COLEC11: variants seen among roughly 807,000 people sequenced by gnomAD.
COLEC11 encodes collectin-11.
In COLEC11, 20 loss-of-function variants were observed where a neutral mutation model predicts 27.3. The observed-to-expected ratio is 0.73, with a 90% CI of 0.51 to 1.06. The LOEUF is 1.06. Ranked by LOEUF, COLEC11 falls within the 50% of genes least tolerant of loss-of-function variation. COLEC11 has a pLI of 0.00. For missense variants in COLEC11, 310 were observed against 383.0 expected (o/e 0.81, Z 1.59); for synonymous variants, 163 against 154.7 (o/e 1.05, Z -0.40).
Position 3,644,214 on chromosome 2 carries a change from C to G in COLEC11, c.*96C>G, listed in dbSNP as rs748116580. ...CATGGTGCCAGCCAGGGAGCTGTCC[C>G]TCTGTGAAGGGTGGAGGCTCACTGA... On this transcript the variant is annotated 3_prime_UTR_variant, in exon 7 of 7. Transcript: ENST00000349077. 1 of 1,502,356 alleles carries G rather than the reference C, an allele frequency of 6.7e-7. No homozygotes were observed. Among genetic ancestry groups the G allele is most frequent in the Non-Finnish European group, 9.1e-7 (1 of 1,095,322 alleles). The allele number at this position is 1,502,356 out of a possible 1,614,324, so 93.1% of individuals were successfully genotyped here. A position where few individuals can be genotyped will look rare whatever the true frequency, so the allele number is the denominator to read the frequency against.
At chr2:3,626,847 G>C (rs1348415418) in intron 3 of COLEC11, among the ~76,000 whole-genome samples, 1 of 152,204 alleles carries the variant, frequency 6.6e-6, no homozygotes, top group Non-Finnish European at 1.5e-5. Context: ...AGGACACCCT[G>C]GGCGCTCTGC....
chr2:3,635,396 T>C (rs895639470), intron 3 of COLEC11, among the ~76,000 whole-genome samples: 3 of 152,124 alleles, frequency 2.0e-5, no homozygotes, highest in African/African-American at 7.2e-5. Context: ...TTTCAGTCTT[T>C]CCAGCAAGTG....
At chr2:3,611,864 T>A (rs1439526412) in intron 2 of COLEC11, among the ~76,000 whole-genome samples, 1 of 152,040 alleles carries the variant, frequency 6.6e-6, no homozygotes, top group Non-Finnish European at 1.5e-5. Context: ...AGACAAGGTG[T>A]GTGGGCCACA....
intron 3 of COLEC11, among the ~76,000 whole-genome samples, chr2:3,633,902 G>C (rs915879348): frequency 1.3e-5 from 2 of 152,188 alleles, no homozygotes; most frequent in African/African-American, 4.8e-5. Flanking sequence ...GACAGGGCCT[G>C]GGACAACACG....
At chr2:3,623,398 T>G (rs1664312498) in intron 3 of COLEC11, among the ~76,000 whole-genome samples, 1 of 152,176 alleles carries the variant, frequency 6.6e-6, no homozygotes, top group South Asian at 2.1e-4. Flanking sequence ...TCTCTCTATA[T>G]TCTCCTAATA....
chr2:3,595,662 T>C (rs1322368573), intron 1 of COLEC11, among the ~76,000 whole-genome samples: 2 of 152,162 alleles, frequency 1.3e-5, no homozygotes, highest in Non-Finnish European at 2.9e-5. Flanking sequence ...AAGGTGGGCC[T>C]TGCTTTGGCA....
At position 3,609,352 on chromosome 2, in the gene COLEC11, A is replaced by ATTT. The variant is rs567474674; in HGVS notation, c.131-3927_131-3925dup. ...TGTTACTATGAACTATTTTTCTTTG[A>ATTT]TTTTTTTTTTTTTTTTTTTTTTTTT... On this transcript the variant is annotated intron_variant, in intron 2 of 6. Transcript: ENST00000349077. 3.7e-4 allele frequency among the ~76,000 whole-genome samples: 32 copies of ATTT among 87,492 alleles called. 1 individual carries two copies. The East Asian group carries it at 4.9e-3, about 13-fold the overall frequency. The allele number at this position is 87,492 out of a possible 152,430, so 57.4% of individuals were successfully genotyped here. A position where few individuals can be genotyped will look rare whatever the true frequency, so the allele number is the denominator to read the frequency against.
chr2:3,606,228 C>T, intron 2 of COLEC11: 6 of 1,550,450 alleles, frequency 3.9e-6, no homozygotes, highest in African/African-American at 1.4e-5. Flanking sequence ...CGGTTGTCTT[C>T]CCTGCGCCCT....
intron 2 of COLEC11, among the ~76,000 whole-genome samples, chr2:3,613,110 A>G (rs1663355863): frequency 6.6e-6 from 1 of 152,306 alleles, no homozygotes; most frequent in Non-Finnish European, 1.5e-5. Flanking sequence ...TAGGGCAGGG[A>G]GACAAATAGC....
chr2:3,636,504 A>C (rs907436855), intron 3 of COLEC11, among the ~76,000 whole-genome samples: 2 of 152,210 alleles, frequency 1.3e-5, no homozygotes, highest in Non-Finnish European at 2.9e-5. Context: ...GATTGCCCAC[A>C]TTGAATTTCC....
At chr2:3,620,225 G>C (rs1664082976) in intron 3 of COLEC11, among the ~76,000 whole-genome samples, 1 of 151,956 alleles carries the variant, frequency 6.6e-6, no homozygotes, top group Non-Finnish European at 1.5e-5. Context: ...TTTGACTACA[G>C]AATCAGTCTC....
intron 3 of COLEC11, among the ~76,000 whole-genome samples, chr2:3,623,931 C>T (rs561967962): frequency 6.6e-6 from 1 of 152,322 alleles, no homozygotes; most frequent in South Asian, 2.1e-4. Context: ...AAAGCAGTCA[C>T]CTCCTCTAGT....
intron 3 of COLEC11, chr2:3,626,225 T>G: frequency 2.4e-6 from 2 of 841,436 alleles, no homozygotes; most frequent in South Asian, 2.7e-5. Flanking sequence ...ATGGACGTGG[T>G]TTGCTGGGAG....
At chr2:3,600,773 TGAACTA>T (rs1453948087) in intron 1 of COLEC11, among the ~76,000 whole-genome samples, 1 of 152,170 alleles carries the variant, frequency 6.6e-6, no homozygotes, top group Non-Finnish European at 1.5e-5. Context: ...TAACTCCTAA[TGAACTA>T]GAAAGTGAAC....
At chr2:3,628,762 A>C (rs72769344) in intron 3 of COLEC11, among the ~76,000 whole-genome samples, 7,362 of 152,360 alleles carry the variant, frequency 0.048, 194 homozygotes, top group Middle Eastern at 0.075. Context: ...TCTCCACTTC[A>C]GAGGACTGTG....
chr2:3,624,007 C>T (rs1397468059), intron 3 of COLEC11, among the ~76,000 whole-genome samples: 1 of 152,190 alleles, frequency 6.6e-6, no homozygotes, highest in Non-Finnish European at 1.5e-5. Context: ...TTCTGAGGCT[C>T]TCTCAGACCA....
At chr2:3,603,538 A>G in intron 1 of COLEC11, 1 of 1,013,674 alleles carries the variant, frequency 9.9e-7, no homozygotes, top group Non-Finnish European at 1.5e-6. Flanking sequence ...ACTGGTCTCG[A>G]ACTCCCGACT....
intron 3 of COLEC11, among the ~76,000 whole-genome samples, chr2:3,625,625 C>CTTTTTTTTTTTTTTTTTTTTTTTTTTT (rs60222284): frequency 2.2e-5 from 2 of 91,460 alleles, no homozygotes; most frequent in Admixed American, 1.4e-4. Context: ...TTCTTTTTTA[C>CTTTTTTTTTTTTTTTTTTTTTTTTTTT]TTTTTTTTTT....
chr2:3,596,860 G>A (rs938455401), intron 1 of COLEC11, among the ~76,000 whole-genome samples: 1 of 152,204 alleles, frequency 6.6e-6, no homozygotes, highest in Non-Finnish European at 1.5e-5. Context: ...GTCAGAGGGC[G>A]AGACCTCTGG....
Sources: allele counts gnomAD v4.1 joint callset (sites outside exome capture counted in the v4.1 genomes callset), GRCh38; gene constraint gnomAD v4.1.1; transcripts MANE v1.5; gene names NCBI Gene and HGNC (gene_info 2026-07-23, HGNC 2026-07-21).